TAOK1: variants seen among roughly 807,000 people sequenced by gnomAD.
The protein encoded by TAOK1 is TAO kinase 1.
TAOK1 carries 21 observed loss-of-function variants against 138.3 expected under a neutral mutation model. That is an observed-to-expected ratio of 0.15 (90% CI 0.11 to 0.22). The LOEUF (loss-of-function observed/expected upper bound fraction) is 0.22. Ranked by LOEUF, TAOK1 falls within the 10% of genes least tolerant of loss-of-function variation. The pLI, the probability that TAOK1 is intolerant of heterozygous loss-of-function variation, is 1.00. For missense variants in TAOK1, 651 were observed against 1,227.7 expected (o/e 0.53, Z 7.02); for synonymous variants, 361 against 398.4 (o/e 0.91, Z 1.12).
chr17:29,436,938 G>A (rs1054461733), intron 1 of TAOK1, among the ~76,000 whole-genome samples: 27 of 152,108 alleles, frequency 1.8e-4, no homozygotes, highest in Non-Finnish European at 4.0e-4. Flanking sequence ...TTTTGGGAAG[G>A]CTGCTAAATG....
Position 29,486,137 on chromosome 17 carries a change from A to C in TAOK1, c.656-3527A>C, listed in dbSNP as rs541468490. 1.4e-4 allele frequency among the ~76,000 whole-genome samples: 22 copies of C among 151,836 alleles called. No individual in the cohort carries two copies. In the South Asian group the frequency reaches 3.7e-3, roughly 26 times the overall value. ...CCCATCTCTACAAAAAATACAAAAAAAATTAATTTGGCATGGTGACATGCA... is the reference window on the plus strand; with the variant it reads ...CCCATCTCTACAAAAAATACAAAAACAATTAATTTGGCATGGTGACATGCA... On this transcript the variant is annotated intron_variant, in intron 8 of 19. Coordinates refer to ENST00000261716, the MANE Select transcript of TAOK1 (RefSeq NM_020791.4).
intron 8 of TAOK1, among the ~76,000 whole-genome samples, chr17:29,486,148 G>T (rs2031167381): frequency 6.6e-6 from 1 of 151,822 alleles, no homozygotes; most frequent in Admixed American, 6.6e-5. Flanking sequence ...AATTAATTTG[G>T]CATGGTGACA....
intron 19 of TAOK1, among the ~76,000 whole-genome samples, chr17:29,537,246 A>G (rs562081143): frequency 6.6e-6 from 1 of 152,368 alleles, no homozygotes; most frequent in African/African-American, 2.4e-5. Context: ...AGCCATTACA[A>G]TGCAGGCATA....
intron 1 of TAOK1, among the ~76,000 whole-genome samples, chr17:29,427,098 A>G (rs1248661146): frequency 6.6e-6 from 1 of 152,196 alleles, no homozygotes; most frequent in African/African-American, 2.4e-5. Context: ...GTAGGCAGAC[A>G]TGGGGGTTTT....
chr17:29,489,337 A>C (rs2031247282), intron 8 of TAOK1, among the ~76,000 whole-genome samples: 1 of 152,104 alleles, frequency 6.6e-6, no homozygotes, highest in African/African-American at 2.4e-5. Context: ...ATCTCTACAG[A>C]AAATACAAAA....
At position 29,530,629 on chromosome 17, in the gene TAOK1, C is replaced by T; in HGVS notation, c.2361+10C>T. On this transcript the variant is annotated intron_variant, in intron 18 of 19. Coordinates refer to ENST00000261716, the MANE Select transcript of TAOK1 (RefSeq NM_020791.4). ...GCTCTCCACACAAGCCGTGAGTTTG[C>T]TTTTTTTGGGGCAAAACAAATTTAG... 1.2e-6 allele frequency: 2 copies of T among 1,612,962 alleles called. No individual in the cohort carries two copies. Among genetic ancestry groups the T allele is most frequent in the East Asian group, 2.2e-5 (1 of 44,870 alleles).
At chr17:29,481,504 T>C (rs1474446127) in intron 7 of TAOK1, among the ~76,000 whole-genome samples, 7 of 152,078 alleles carry the variant, frequency 4.6e-5, no homozygotes, top group Admixed American at 3.3e-4. Context: ...AATAGACTTT[T>C]GTAATGGGAT....
intron 1 of TAOK1, among the ~76,000 whole-genome samples, chr17:29,421,230 G>A (rs934699410): frequency 2.0e-5 from 3 of 152,160 alleles, no homozygotes; most frequent in Non-Finnish European, 4.4e-5. Flanking sequence ...CATCCAGCCG[G>A]TTATACATTT....
chr17:29,515,314 G>A (rs2031795625), intron 15 of TAOK1, among the ~76,000 whole-genome samples: 1 of 152,120 alleles, frequency 6.6e-6, no homozygotes, highest in Admixed American at 6.6e-5. Flanking sequence ...GAAGCGAGAT[G>A]TTTAACTGTA....
rs1217752441 is a variant in TAOK1, at chr17:29,549,110, C to T, written c.*6088C>T. 2.6e-5 allele frequency: 4 copies of T among 152,110 alleles called. No individual in the cohort carries two copies. 9.4% of individuals were successfully genotyped at this position (152,110 alleles called of 1,614,324 possible). ...ATGGTTTGGAACTGTTTATTGGGCTCTTTAACTGAATTTTCAAATGAAATG... is the reference window on the plus strand; with the variant it reads ...ATGGTTTGGAACTGTTTATTGGGCTTTTTAACTGAATTTTCAAATGAAATG... On this transcript the variant is annotated 3_prime_UTR_variant, in exon 20 of 20. Transcript: ENST00000261716.
rs916257551 is a variant in TAOK1 at position 29,549,924 on chromosome 17, G to C, written c.*6902G>C. On this transcript the variant is annotated 3_prime_UTR_variant, in exon 20 of 20. Coordinates refer to ENST00000261716, the MANE Select transcript of TAOK1 (RefSeq NM_020791.4). The stretch of plus-strand genomic sequence containing the variant: ...ATGGGAATTGTGCCTACTTAGGAGT[G>C]CCCCTCCAATTAATTACATGTGTCC... 2 of 151,834 alleles carry C rather than the reference G, an allele frequency of 1.3e-5. No individual in the cohort carries two copies. The highest frequency in any genetic ancestry group is 2.9e-5 in the Non-Finnish European group (2 of 67,988). The allele number at this position is 151,834 out of a possible 1,614,324, so 9.4% of individuals were successfully genotyped here. A position where few individuals can be genotyped will look rare whatever the true frequency, so the allele number is the denominator to read the frequency against.
intron 19 of TAOK1, 115 bp from the exon 20 acceptor site, chr17:29,542,446 T>A (rs778032872): frequency 2.2e-5 from 19 of 847,468 alleles, no homozygotes; most frequent in Non-Finnish European, 3.2e-5. Flanking sequence ...TTGAAACTCA[T>A]GGACAAATAT....
chr17:29,464,794 G>A (rs1284245999), intron 2 of TAOK1, among the ~76,000 whole-genome samples: 1 of 149,478 alleles, frequency 6.7e-6, no homozygotes, highest in African/African-American at 2.5e-5. Context: ...CTGTACTCAT[G>A]TAGCAGAACA....
intron 2 of TAOK1, among the ~76,000 whole-genome samples, chr17:29,465,512 TA>T (rs1025887148): frequency 1.3e-5 from 2 of 151,246 alleles, no homozygotes; most frequent in Admixed American, 1.3e-4. Flanking sequence ...GTCCTTTTTT[TA>T]AAAAAAAAGT....
At chr17:29,487,901 G>A (rs1002926857) in intron 8 of TAOK1, among the ~76,000 whole-genome samples, 5 of 152,238 alleles carry the variant, frequency 3.3e-5, no homozygotes, top group African/African-American at 1.2e-4. Flanking sequence ...GCAGACATGG[G>A]CCTTAACCAA....
At chr17:29,484,967 T>TA (rs1302547910) in intron 8 of TAOK1, among the ~76,000 whole-genome samples, 1 of 152,128 alleles carries the variant, frequency 6.6e-6, no homozygotes, top group Non-Finnish European at 1.5e-5. Flanking sequence ...TTGGAAGAGT[T>TA]AAGGATAGCA....
Position 29,544,330 on chromosome 17 carries a change from T to G in TAOK1, c.*1308T>G, listed in dbSNP as rs1219059565. On this transcript the variant is annotated 3_prime_UTR_variant, in exon 20 of 20. Coordinates refer to ENST00000261716, the MANE Select transcript of TAOK1 (RefSeq NM_020791.4). Reference sequence around the variant, plus strand: ...GGTCCTCTATTTTTAATTGCTGTTTTCGTTGCTGCAGTACTTTACAAACTT... The same window carrying G: ...GGTCCTCTATTTTTAATTGCTGTTTGCGTTGCTGCAGTACTTTACAAACTT... 1 of 152,650 alleles carries G rather than the reference T, an allele frequency of 6.6e-6. No homozygotes were observed. Among genetic ancestry groups the G allele is most frequent in the Non-Finnish European group, 1.5e-5 (1 of 68,048 alleles). 9.5% of individuals were successfully genotyped at this position (152,650 alleles called of 1,614,324 possible).
intron 1 of TAOK1, among the ~76,000 whole-genome samples, chr17:29,425,912 G>A (rs540470522): frequency 1.4e-4 from 21 of 152,020 alleles, no homozygotes; most frequent in African/African-American, 3.4e-4. Context: ...ACGGAGTCTC[G>A]CTCTGTCGCC....
chr17:29,482,088 A>T, intron 7 of TAOK1, 109 bp from the exon 8 acceptor site: 1 of 737,732 alleles, frequency 1.4e-6, no homozygotes, highest in Non-Finnish European at 2.2e-6. Context: ...GTCCAGATAT[A>T]TTGGCTAGAA....
Sources: gnomAD v4.1 joint callset for allele counts (sites outside exome capture counted in the v4.1 genomes callset) on GRCh38, gnomAD v4.1.1 for gene constraint, MANE v1.5 for transcripts, NCBI Gene and HGNC (gene_info 2026-07-23, HGNC 2026-07-21) for gene names.